The following ARHGEF1 variants were observed in gnomAD, a reference collection of about 807,000 sequenced individuals.
ARHGEF1 encodes Rho guanine nucleotide exchange factor 1.
A neutral mutation model predicts 119.7 loss-of-function variants in ARHGEF1; 40 were observed. The ratio of observed to expected loss-of-function variants is 0.33; its 90% confidence interval spans 0.26 to 0.44. The LOEUF (loss-of-function observed/expected upper bound fraction) is 0.44, where lower values mean the gene tolerates loss of function less well. Ranked by LOEUF, ARHGEF1 falls within the 20% of genes least tolerant of loss-of-function variation. ARHGEF1 has a pLI of 1.00. For missense variants in ARHGEF1, 976 were observed against 1,268.3 expected (o/e 0.77, Z 3.50); for synonymous variants, 494 against 521.0 (o/e 0.95, Z 0.71).
downstream of ARHGEF1, among the ~76,000 whole-genome samples, chr19:41,911,382 A>G (rs2074750275): frequency 6.6e-6 from 1 of 152,236 alleles, no homozygotes; most frequent in African/African-American, 2.4e-5. Flanking sequence ...AGCTGGCAGC[A>G]GTGCAGGAGA....
chr19:41,910,539 C>T (rs2074746007), downstream of ARHGEF1, among the ~76,000 whole-genome samples: 1 of 152,146 alleles, frequency 6.6e-6, no homozygotes, highest in Non-Finnish European at 1.5e-5. The surrounding 1 kb of genome is among the most constrained non-coding windows in gnomAD (Gnocchi z 4.4). Context: ...GTTCCCCATT[C>T]CCTGTCCCCT....
chr19:41,888,666 C>G lies in ARHGEF1; in HGVS notation c.112-86C>G. ...CCAGGAGCTAACCCTGGCTTGGATC[C>G]CTTGTGAAGTGCCAGGAATGGGTAG... On this transcript the variant is annotated intron_variant, in intron 3 of 28. Coordinates refer to ENST00000354532, the MANE Select transcript of ARHGEF1 (RefSeq NM_004706.4). The surrounding 1 kb of genome is among the most constrained non-coding windows in gnomAD (Gnocchi z 5.1). 3.9e-6 allele frequency: 5 copies of G among 1,293,036 alleles called. No homozygotes were observed. Among genetic ancestry groups the G allele is most frequent in the South Asian group, 1.3e-5 (1 of 79,344 alleles). 80.1% of individuals were successfully genotyped at this position (1,293,036 alleles called of 1,614,324 possible). A position where few individuals can be genotyped will look rare whatever the true frequency, so the allele number is the denominator to read the frequency against.
intron 1 of ARHGEF1, 124 bp from the exon 2 acceptor site, chr19:41,887,940 G>C (rs1012856836): frequency 3.6e-6 from 4 of 1,114,394 alleles, no homozygotes; most frequent in South Asian, 1.6e-5. Context: ...GCCCCATTGA[G>C]CTGCGGAGGC....
chr19:41,896,083 G>A (rs1035206329), intron 12 of ARHGEF1, among the ~76,000 whole-genome samples: 1 of 152,194 alleles, frequency 6.6e-6, no homozygotes, highest in African/African-American at 2.4e-5. Context: ...ACCTCAGGGG[G>A]CTGCAGTCTG....
chr19:41,904,181 G>A lies in ARHGEF1; in HGVS notation c.1994-35G>A, dbSNP rs782752793. On this transcript the variant is annotated intron_variant, in intron 21 of 28. Coordinates refer to ENST00000354532, the MANE Select transcript of ARHGEF1 (RefSeq NM_004706.4). The surrounding 1 kb of genome is among the most constrained non-coding windows in gnomAD (Gnocchi z 8.4). ...GCCAAGGGCGGGGAGGGGGTCGCGC[G>A]GGGGCACGCCGTGTGAGCACTGCTC... 78 of 1,611,252 alleles carry A rather than the reference G, an allele frequency of 4.8e-5. No individual in the cohort carries two copies. Among genetic ancestry groups the A allele is most frequent in the Middle Eastern group, 1.6e-4 (1 of 6,068 alleles).
Position 41,895,453 on chromosome 19 carries a change from C to A in ARHGEF1, c.982C>A (p.Pro328Thr). ...GGACACCCCTGGAGTCTCTCTGCAC[C>A]CTCTGTCCCTGGACAGCCCAGACCG... is the stretch of plus-strand genomic sequence containing the variant. The part of the protein sequence containing the change: ...GQDTPGVSLH[P>T]LSLDSPDREP... The change falls in exon 12 of 29, where the codon CCT becomes ACT. Residue 328 changes from proline (P) to threonine (T), a missense_variant. This residue lies in a region of ARHGEF1 where 519 missense variants were observed against 580.9 expected (regional missense o/e 0.89). Transcript: ENST00000354532. The A allele has an allele frequency of 6.2e-7, 1 of 1,611,718 alleles. No individual in the cohort carries two copies. Among genetic ancestry groups the A allele is most frequent in the South Asian group, 1.1e-5 (1 of 91,068 alleles).
chr19:41,896,717 TC>T, intron 13 of ARHGEF1: 2 of 676,854 alleles, frequency 3.0e-6, no homozygotes, highest in Non-Finnish European at 5.4e-6. Context: ...TGCTCCTTCC[TC>T]TCCTTCCTTT....
At chr19:41,891,843 C>T (rs2074382309) in intron 4 of ARHGEF1, among the ~76,000 whole-genome samples, 182 bp from the exon 5 acceptor site, 1 of 152,110 alleles carries the variant, frequency 6.6e-6, no homozygotes, top group Admixed American at 6.6e-5. Context: ...CCCCAGGGAG[C>T]CTGCAGGGGA....
upstream of ARHGEF1, among the ~76,000 whole-genome samples, chr19:41,922,925 T>A (rs1363251015): frequency 6.6e-6 from 1 of 152,142 alleles, no homozygotes; most frequent in Non-Finnish European, 1.5e-5. Context: ...AGGGGATGCC[T>A]CTGCCCACCT....
intron 1 of ARHGEF1, among the ~76,000 whole-genome samples, chr19:41,923,979 G>A (rs189577520): frequency 2.9e-5 from 3 of 102,202 alleles, no homozygotes; most frequent in Non-Finnish European, 4.0e-5. Flanking sequence ...GTAGGGGTGC[G>A]CTGGGAGGGG....
In ARHGEF1 at chr19:41,902,723, G is replaced by T; in HGVS notation, c.1624-61G>T. Reference sequence around the variant, plus strand: ...GGCCTGGAGACCCAGACTCCTAGGTGCCTGCGCCCTGGGGTGAGCCCAAAG... The same window carrying T: ...GGCCTGGAGACCCAGACTCCTAGGTTCCTGCGCCCTGGGGTGAGCCCAAAG... On this transcript the variant is annotated intron_variant, in intron 17 of 28. Transcript: ENST00000354532. The surrounding 1 kb of genome is among the most constrained non-coding windows in gnomAD (Gnocchi z 6.5). 6.2e-7 allele frequency: 1 copy of T among 1,613,322 alleles called. No individual in the cohort carries two copies. The highest frequency in any genetic ancestry group is 1.3e-5 in the African/African-American group (1 of 75,026).
In ARHGEF1 at chr19:41,903,934, A is replaced by C; in HGVS notation, c.1918-101A>C. ...ACCTCATGCCAATCCCATGATCCCC[A>C]GCCTGTGGTCATCCCCGGCCACTGC... is the stretch of plus-strand genomic sequence containing the variant. On this transcript the variant is annotated intron_variant, in intron 20 of 28. Coordinates refer to ENST00000354532, the MANE Select transcript of ARHGEF1 (RefSeq NM_004706.4). This position sits in a 1 kb window ranked among gnomAD's most constrained non-coding sequence, Gnocchi z 4.2. The C allele has an allele frequency of 7.2e-7, 1 of 1,389,992 alleles. No individual in the cohort carries two copies. The highest frequency in any genetic ancestry group is 1.0e-6 in the Non-Finnish European group (1 of 991,132). 86.1% of individuals were successfully genotyped at this position (1,389,992 alleles called of 1,614,324 possible).
rs141738557 is a variant in ARHGEF1 at position 41,906,772 on chromosome 19, C to A, written c.2725C>A (p.Pro909Thr). The A allele has an allele frequency of 1.4e-4, 233 of 1,611,302 alleles. 1 individual carries two copies. In the African/African-American group the frequency reaches 2.8e-3, roughly 19 times the overall value. ...GCTTGGGGGGAACTCTGTCCCCCAG[C>A]CTGGCTGCACTTGAGGTTCCCGCCC... is the stretch of plus-strand genomic sequence containing the variant. ...SQLGGNSVPQPGCT is the reference protein window; with the variant it reads ...SQLGGNSVPQTGCT Residue 909 changes from proline to threonine, a missense_variant, in exon 28 of 29, where the codon CCT (proline) becomes ACT (threonine). Pro to Thr is a conservative substitution (Grantham distance 38). This residue lies in a region of ARHGEF1 where 171 missense variants were observed against 180.6 expected (regional missense o/e 0.95). Coordinates refer to ENST00000354532, the MANE Select transcript of ARHGEF1 (RefSeq NM_004706.4). This position sits in a 1 kb window ranked among gnomAD's most constrained non-coding sequence, Gnocchi z 4.5.
chr19:41,901,124 C>T (rs1317183970), intron 14 of ARHGEF1, among the ~76,000 whole-genome samples: 1 of 151,454 alleles, frequency 6.6e-6, no homozygotes, highest in Non-Finnish European at 1.5e-5. Flanking sequence ...ATGACTCCAC[C>T]CGGAGAGTTT....
upstream of ARHGEF1, among the ~76,000 whole-genome samples, chr19:41,919,660 G>A (rs2074825808): frequency 6.6e-6 from 1 of 152,000 alleles, no homozygotes; most frequent in Non-Finnish European, 1.5e-5. Context: ...GATTTTGGGG[G>A]CTCTTCCTCA....
At chr19:41,897,949 A>T (rs2074539854) in intron 13 of ARHGEF1, 1 of 1,304,608 alleles carries the variant, frequency 7.7e-7, no homozygotes, top group Non-Finnish European at 9.7e-7. Context: ...GGTCCAGGCT[A>T]TCAGGGCGTC....
chr19:41,892,727 C>T lies in ARHGEF1; in HGVS notation c.492C>T (p.Gly164=). 6.2e-7 allele frequency: 1 copy of T among 1,612,604 alleles called. No homozygotes were observed. The highest frequency in any genetic ancestry group is 8.5e-7 in the Non-Finnish European group (1 of 1,179,422). ...LEDFRSKRLM[G]MTPWEQELAQ... ...ACTTCCGTTCCAAGCGGCTCATGGG[C>T]ATGACGCCCTGGGAGCAGGAGCTGG... The change falls in exon 7 of 29, where the codon GGC becomes GGT. Residue 164 remains glycine (G), a synonymous_variant. Coordinates refer to ENST00000354532, the MANE Select transcript of ARHGEF1 (RefSeq NM_004706.4). The surrounding 1 kb of genome is among the most constrained non-coding windows in gnomAD (Gnocchi z 6.3).
Position 41,903,702 on chromosome 19 carries a change from C to T in ARHGEF1, c.1840-5C>T. On this transcript the variant is annotated splice_region_variant and splice_polypyrimidine_tract_variant and intron_variant, in intron 19 of 28. Coordinates refer to ENST00000354532, the MANE Select transcript of ARHGEF1 (RefSeq NM_004706.4). This position sits in a 1 kb window ranked among gnomAD's most constrained non-coding sequence, Gnocchi z 4.2. The stretch of plus-strand genomic sequence containing the variant: ...GTCCCCATAATGCTCCCGTCTCTGC[C>T]CCAGAGGCTCAAGGACTATCAGCGG... The T allele has an allele frequency of 3.1e-6, 5 of 1,612,464 alleles. No homozygotes were observed. Among genetic ancestry groups the T allele is most frequent in the African/African-American group, 1.3e-5 (1 of 75,016 alleles).
chr19:41,907,081 C>G, intron 28 of ARHGEF1, 24 bp from the exon 29 acceptor site: 1 of 1,484,092 alleles, frequency 6.7e-7, no homozygotes, highest in South Asian at 1.3e-5. Flanking sequence ...CTCCCCGTCT[C>G]CCCTCTTCTC....
Sources: gnomAD v4.1 joint callset for allele counts (sites outside exome capture counted in the v4.1 genomes callset) on GRCh38, gnomAD v4.1.1 for gene constraint, gnomAD v4.1.1 regional missense constraint, Gnocchi (gnomAD v3.1) non-coding constraint, MANE v1.5 for transcripts, NCBI Gene and HGNC (gene_info 2026-07-23, HGNC 2026-07-21) for gene names.